The following MCC variants were observed in gnomAD, a reference collection of about 807,000 sequenced individuals.
MCC encodes the protein colorectal mutant cancer protein.
Under a neutral mutation model 116.2 loss-of-function variants are expected in MCC, and 90 were observed. That is an observed-to-expected ratio of 0.77 (90% confidence interval 0.65 to 0.92). MCC has a LOEUF of 0.92. Among genes scored for constraint, MCC ranks in the 40% least tolerant of loss-of-function variants. MCC has a pLI of 0.00. For synonymous variants in MCC, 578 were observed against 510.5 expected (o/e 1.13, Z -1.78); for missense variants, 1,516 against 1,312.2 (o/e 1.16, Z -2.40).
chr5:113,089,880 C>T (rs7714334), intron 8 of MCC, among the ~76,000 whole-genome samples: 69,329 of 151,774 alleles, frequency 0.46, 17,379 homozygotes, highest in African/African-American at 0.69. Flanking sequence ...GAAAGAAAAA[C>T]ATAAAGAGAA....
intron 17 of MCC, among the ~76,000 whole-genome samples, chr5:113,035,298 T>C (rs943155128): frequency 2.6e-5 from 4 of 152,182 alleles, no homozygotes; most frequent in African/African-American, 7.2e-5. Context: ...AAACTCTATC[T>C]GCCAAGTCTC....
intron 1 of MCC, among the ~76,000 whole-genome samples, chr5:113,414,834 G>A (rs373989633): frequency 2.6e-5 from 4 of 152,168 alleles, no homozygotes; most frequent in Non-Finnish European, 4.4e-5. Context: ...TATTTTGCCC[G>A]TTAGTTGATG....
At chr5:113,303,679 G>T (rs1766916566) in intron 3 of MCC, among the ~76,000 whole-genome samples, 1 of 151,650 alleles carries the variant, frequency 6.6e-6, no homozygotes, top group Non-Finnish European at 1.5e-5. Flanking sequence ...TCTTTTTTTT[G>T]AGACAGAGTC....
At chr5:113,161,636 GT>G (rs1760492163) in intron 3 of MCC, among the ~76,000 whole-genome samples, 2 of 9,000 alleles carry the variant, frequency 2.2e-4, no homozygotes, top group Non-Finnish European at 2.9e-3. Flanking sequence ...GTGTGTGTGT[GT>G]GTGTGTGTGT....
chr5:113,101,951 A>G lies in MCC; in HGVS notation c.1192-6T>C, dbSNP rs1346157270. The stretch of plus-strand genomic sequence containing the variant: ...CCCTCAATCTCCTCGACTGTCTGTA[A>G]AACACAGCCCCAAAGAAAAGTCAAG... On this transcript the variant is annotated splice_polypyrimidine_tract_variant and splice_region_variant and intron_variant, in intron 7 of 18. Transcript: ENST00000408903. 8 of 1,613,974 alleles carry G rather than the reference A, an allele frequency of 5.0e-6. No individual in the cohort carries two copies. The highest frequency in any genetic ancestry group is 6.8e-6 in the Non-Finnish European group (8 of 1,180,008).
chr5:113,375,088 A>G (rs17327139), intron 2 of MCC, among the ~76,000 whole-genome samples: 13,568 of 151,916 alleles, frequency 0.089, 900 homozygotes, highest in Non-Finnish European at 0.12. Flanking sequence ...GGATGTTCAT[A>G]TAACTCGGTA....
intron 3 of MCC, among the ~76,000 whole-genome samples, chr5:113,228,251 G>C (rs536125030): frequency 6.6e-6 from 1 of 152,230 alleles, no homozygotes; most frequent in East Asian, 1.9e-4. Flanking sequence ...AGTGGTGGTG[G>C]GAACTTTAAG....
chr5:113,315,342 C>T (rs1581393904), intron 3 of MCC, among the ~76,000 whole-genome samples: 1 of 151,968 alleles, frequency 6.6e-6, no homozygotes, highest in Non-Finnish European at 1.5e-5. Context: ...TCTTTACGTA[C>T]TAAATATAGT....
chr5:113,056,053 A>C (rs1160566294), intron 14 of MCC, among the ~76,000 whole-genome samples: 6 of 152,202 alleles, frequency 3.9e-5, no homozygotes, highest in Non-Finnish European at 8.8e-5. Context: ...ATTTACTAGA[A>C]TCTATATCAA....
intron 6 of MCC, among the ~76,000 whole-genome samples, chr5:113,109,607 G>C (rs1052533449): frequency 6.6e-6 from 1 of 152,224 alleles, no homozygotes; most frequent in African/African-American, 2.4e-5. Context: ...CCACTGAACT[G>C]TACACTTAGA....
chr5:113,475,674 G>A (rs1772218016), intron 1 of MCC, among the ~76,000 whole-genome samples: 1 of 152,154 alleles, frequency 6.6e-6, no homozygotes, highest in African/African-American at 2.4e-5. Flanking sequence ...CTCTCCAGCT[G>A]AGACTCCCAT....
intron 1 of MCC, among the ~76,000 whole-genome samples, chr5:113,420,709 G>C (rs1770307029): frequency 6.6e-6 from 1 of 152,158 alleles, no homozygotes; most frequent in South Asian, 2.1e-4. Flanking sequence ...ATTTTCCCAA[G>C]GGTCTCTCAA....
chr5:113,055,550 C>A (rs1469240882), intron 14 of MCC, among the ~76,000 whole-genome samples: 2 of 152,182 alleles, frequency 1.3e-5, no homozygotes, highest in Non-Finnish European at 1.5e-5. Context: ...CAGAGAACCC[C>A]TTCTAGAATG....
Position 113,126,490 on chromosome 5 carries a change from A to G in MCC, c.885-3664T>C, listed in dbSNP as rs147821373. Among the ~76,000 whole-genome samples the G allele has an allele frequency of 1.0e-3, 152 of 152,358 alleles. 1 individual carries two copies. Among genetic ancestry groups the G allele is most frequent in the African/African-American group, 3.5e-3 (145 of 41,592 alleles). On this transcript the variant is annotated intron_variant, in intron 5 of 18. Coordinates refer to ENST00000408903, the MANE Select transcript of MCC (RefSeq NM_001085377.2). ...ATTTGAGCTGCATGAATCCATTTAT[A>G]TGCAAATTTTCTTTCCATAAATATA...
intron 7 of MCC, 58 bp downstream of exon 7, chr5:113,104,134 T>A: frequency 6.7e-7 from 1 of 1,488,200 alleles, no homozygotes; most frequent in South Asian, 1.3e-5. Flanking sequence ...AAGAGAAGGA[T>A]TGGACCATTT....
intron 2 of MCC, among the ~76,000 whole-genome samples, chr5:113,384,405 G>A (rs1246857636): frequency 2.0e-5 from 3 of 152,116 alleles, no homozygotes; most frequent in Admixed American, 6.5e-5. Context: ...TGGCTAATAC[G>A]GTGAAACCCC....
intron 1 of MCC, among the ~76,000 whole-genome samples, chr5:113,465,029 C>T (rs1286608403): frequency 6.6e-6 from 1 of 151,560 alleles, no homozygotes; most frequent in African/African-American, 2.4e-5. Context: ...TATCCTATTT[C>T]CAATTAAAAT....
At chr5:113,239,828 G>A (rs1395578803) in intron 3 of MCC, among the ~76,000 whole-genome samples, 4 of 152,124 alleles carry the variant, frequency 2.6e-5, no homozygotes, top group Non-Finnish European at 2.9e-5. Context: ...AAATCCAAAC[G>A]TGGTGGAAGA....
intron 1 of MCC, among the ~76,000 whole-genome samples, chr5:113,419,791 T>A (rs1175391974): frequency 1.4e-5 from 2 of 146,414 alleles, no homozygotes; most frequent in East Asian, 4.1e-4. Context: ...AAACACCGCA[T>A]GTTCTCACTC....
Sources: gnomAD v4.1 joint callset for allele counts (sites outside exome capture counted in the v4.1 genomes callset) on GRCh38, gnomAD v4.1.1 for gene constraint, MANE v1.5 for transcripts, NCBI Gene and HGNC (gene_info 2026-07-23, HGNC 2026-07-21) for gene names.